The following CCDC146 variants were observed in gnomAD, a reference collection of about 807,000 sequenced individuals.
CCDC146 encodes coiled-coil domain-containing protein 146.
Under a neutral mutation model 119.3 loss-of-function variants are expected in CCDC146, and 92 were observed. The ratio of observed to expected loss-of-function variants is 0.77; its 90% CI spans 0.65 to 0.92. CCDC146 has a LOEUF of 0.92. CCDC146 is among the 40% of genes least tolerant of loss of function. The pLI is 0.00. For missense variants in CCDC146, 1,000 were observed against 1,103.0 expected, an observed-to-expected ratio of 0.91 and a Z score of 1.32; for synonymous variants, 372 against 371.8, an observed-to-expected ratio of 1.00 and a Z score of -0.01.
intron 1 of CCDC146, among the ~76,000 whole-genome samples, chr7:77,123,402 A>AGG (rs1420742917): frequency 6.7e-3 from 575 of 85,778 alleles, no homozygotes; most frequent in African/African-American, 0.018. Context: ...TGACCCTATA[A>AGG]GGTGTGTGTG....
chr7:77,241,838 G>C lies in CCDC146; in HGVS notation c.387G>C (p.Lys129Asn), dbSNP rs749448313. The C allele has an allele frequency of 1.3e-5, 21 of 1,613,876 alleles. No individual in the cohort carries two copies. The highest frequency in any genetic ancestry group is 1.2e-4 in the South Asian group (11 of 91,086). ...CCAAAATGAGAGAACAACTTCTCAA[G>C]TATCAAAATGAATATAATGCAGTGA... ...EVSKMREQLL[K>N]YQNEYNAVKE... The change falls in exon 4 of 19, where the codon AAG becomes AAC. Residue 129 changes from lysine (K) to asparagine (N), a missense_variant. Coordinates refer to ENST00000285871, the MANE Select transcript of CCDC146 (RefSeq NM_020879.3).
chr7:77,134,803 A>C (rs1790838945), intron 1 of CCDC146, among the ~76,000 whole-genome samples: 1 of 152,216 alleles, frequency 6.6e-6, no homozygotes, highest in South Asian at 2.1e-4. Context: ...CTGCTGGGAT[A>C]GGTTCCAGCT....
At chr7:77,178,468 G>GT (rs1281945934) in intron 2 of CCDC146, among the ~76,000 whole-genome samples, 1 of 152,188 alleles carries the variant, frequency 6.6e-6, no homozygotes, top group Non-Finnish European at 1.5e-5. Flanking sequence ...AAACGCAGCA[G>GT]TGGCCCTACC....
intron 1 of CCDC146, among the ~76,000 whole-genome samples, chr7:77,126,825 T>C (rs1292885089): frequency 1.3e-5 from 2 of 152,124 alleles, no homozygotes; most frequent in Non-Finnish European, 2.9e-5. Flanking sequence ...CATGGGCTGC[T>C]GGAAGAGGCC....
At chr7:77,195,227 C>G (rs978372399) in intron 2 of CCDC146, 1 of 136,850 alleles carries the variant, frequency 7.3e-6, no homozygotes, top group African/African-American at 2.7e-5. Context: ...AAATTAAAAG[C>G]TATTGTTCAC....
At chr7:77,165,774 C>T (rs548855316) in intron 1 of CCDC146, among the ~76,000 whole-genome samples, 2 of 152,152 alleles carry the variant, frequency 1.3e-5, no homozygotes, top group South Asian at 2.1e-4. Flanking sequence ...TATTGGCACT[C>T]AATGCAGAAA....
chr7:77,283,628 T>C (rs1005990233), intron 15 of CCDC146, among the ~76,000 whole-genome samples: 1 of 152,180 alleles, frequency 6.6e-6, no homozygotes, highest in Non-Finnish European at 1.5e-5. Flanking sequence ...TCCCAAGATA[T>C]AATTGCTATT....
chr7:77,251,591 A>C (rs1793061269), intron 4 of CCDC146, among the ~76,000 whole-genome samples: 1 of 152,124 alleles, frequency 6.6e-6, no homozygotes, highest in South Asian at 2.1e-4. Context: ...ATAGGACTTC[A>C]GGAACATGGT....
chr7:77,186,989 G>A (rs1235092863), intron 2 of CCDC146, among the ~76,000 whole-genome samples: 4 of 152,186 alleles, frequency 2.6e-5, no homozygotes, highest in Non-Finnish European at 5.9e-5. Flanking sequence ...ATACAATTAA[G>A]TTAGGTTTTC....
chr7:77,230,176 TG>T (rs1363075724), intron 2 of CCDC146, among the ~76,000 whole-genome samples: 1 of 152,234 alleles, frequency 6.6e-6, no homozygotes, highest in Non-Finnish European at 1.5e-5. Context: ...ATATATTTTT[TG>T]TTTGTCCATT....
At chr7:77,143,035 T>C (rs1015197237) in intron 1 of CCDC146, among the ~76,000 whole-genome samples, 103 of 151,954 alleles carry the variant, frequency 6.8e-4, no homozygotes, top group South Asian at 1.7e-3. Context: ...CCACCAACAG[T>C]GTAAAAGTGT....
intron 6 of CCDC146, among the ~76,000 whole-genome samples, chr7:77,258,617 T>C (rs1460357564): frequency 6.6e-6 from 1 of 152,224 alleles, no homozygotes; most frequent in Non-Finnish European, 1.5e-5. Context: ...GTCCTGAGAA[T>C]GTAGGCTAGG....
chr7:77,236,093 ATG>A (rs1792731393), intron 2 of CCDC146, among the ~76,000 whole-genome samples: 2 of 151,928 alleles, frequency 1.3e-5, no homozygotes, highest in East Asian at 1.9e-4. Flanking sequence ...AAATAAATAA[ATG>A]TAAGAACAAC....
At chr7:77,244,349 G>T (rs563141350) in intron 4 of CCDC146, among the ~76,000 whole-genome samples, 2 of 152,188 alleles carry the variant, frequency 1.3e-5, no homozygotes, top group Non-Finnish European at 2.9e-5. Context: ...TGTTTATAAG[G>T]TCTACAGTAG....
At chr7:77,150,800 A>G (rs1791099206) in intron 1 of CCDC146, among the ~76,000 whole-genome samples, 1 of 152,242 alleles carries the variant, frequency 6.6e-6, no homozygotes, top group African/African-American at 2.4e-5. Context: ...AACTGGAAAC[A>G]AATGAAATGT....
chr7:77,235,057 G>A (rs1434658940), intron 2 of CCDC146, among the ~76,000 whole-genome samples: 2 of 152,094 alleles, frequency 1.3e-5, no homozygotes, highest in South Asian at 2.1e-4. Flanking sequence ...TTTGATAGCT[G>A]CATTCATTCA....
chr7:77,253,697 T>C (rs898156607), intron 4 of CCDC146, among the ~76,000 whole-genome samples: 3 of 152,242 alleles, frequency 2.0e-5, no homozygotes, highest in African/African-American at 7.2e-5. Context: ...CAGGTCATGA[T>C]GAATACTGTA....
At chr7:77,185,414 A>G (rs1791651813) in intron 2 of CCDC146, among the ~76,000 whole-genome samples, 1 of 152,186 alleles carries the variant, frequency 6.6e-6, no homozygotes, top group Non-Finnish European at 1.5e-5. Flanking sequence ...TGGGAAAGTG[A>G]TATGGTTTGG....
chr7:77,128,903 G>T lies in CCDC146; in HGVS notation c.-12+6171G>T, dbSNP rs150292539. 2.0e-3 allele frequency among the ~76,000 whole-genome samples: 309 copies of T among 152,146 alleles called. 5 individuals are homozygous for T. Among genetic ancestry groups the T allele is most frequent in the African/African-American group, 7.2e-3 (299 of 41,414 alleles). ...TCTTTAAGACAGCCTGATCCTTTTG[G>T]CCATAACAAAAGGGGCCCACAAAAA... On this transcript the variant is annotated intron_variant, in intron 1 of 18. Transcript: ENST00000285871.
Sources: gnomAD v4.1 joint callset for allele counts (sites outside exome capture counted in the v4.1 genomes callset) on GRCh38, gnomAD v4.1.1 for gene constraint, MANE v1.5 for transcripts, NCBI Gene and HGNC (gene_info 2026-07-23, HGNC 2026-07-21) for gene names.